The following IGSF11 variants were observed in gnomAD, a reference collection of about 807,000 sequenced individuals.
IGSF11 encodes the protein immunoglobulin superfamily member 11, also known as CXADR like 1.
IGSF11 carries 22 observed loss-of-function variants against 41.0 expected under a neutral mutation model. That is an observed-to-expected ratio of 0.54 (90% CI 0.38 to 0.77). The LOEUF (loss-of-function observed/expected upper bound fraction) is 0.77. Ranked by LOEUF, IGSF11 falls within the 30% of genes least tolerant of loss-of-function variation. IGSF11 has a pLI of 0.00. For missense variants in IGSF11, 444 were observed against 530.8 expected, an observed-to-expected ratio of 0.84 and a Z score of 1.61; for synonymous variants, 219 against 201.3, an observed-to-expected ratio of 1.09 and a Z score of -0.74.
intron 1 of IGSF11, among the ~76,000 whole-genome samples, chr3:119,019,610 GAGA>G (rs1262424628): frequency 6.6e-6 from 1 of 152,022 alleles, no homozygotes; most frequent in African/African-American, 2.4e-5. Flanking sequence ...CCCCCAGCCA[GAGA>G]AGGAAAGAGT....
chr3:119,046,547 G>A (rs1941362016), intron 1 of IGSF11, among the ~76,000 whole-genome samples: 3 of 151,602 alleles, frequency 2.0e-5, no homozygotes, highest in South Asian at 4.2e-4. Flanking sequence ...TGGGGAGAAT[G>A]GAACCAAGTT....
intron 1 of IGSF11, among the ~76,000 whole-genome samples, chr3:118,946,277 T>A (rs1242715855): frequency 3.3e-5 from 5 of 151,178 alleles, no homozygotes; most frequent in Admixed American, 1.3e-4. Flanking sequence ...AATGTTTTTT[T>A]AAAAAAATCA....
At chr3:119,080,180 A>T (rs991116770) in intron 1 of IGSF11, among the ~76,000 whole-genome samples, 1 of 152,146 alleles carries the variant, frequency 6.6e-6, no homozygotes, top group African/African-American at 2.4e-5. Context: ...GACTCTCTAA[A>T]CTGCTTAGCT....
chr3:119,130,520 A>C (rs2077467534), intron 1 of IGSF11, among the ~76,000 whole-genome samples: 1 of 152,198 alleles, frequency 6.6e-6, no homozygotes, highest in Admixed American at 6.5e-5. Flanking sequence ...CATCCACATT[A>C]CTGAGGCTTG....
intron 1 of IGSF11, among the ~76,000 whole-genome samples, chr3:119,059,826 T>G (rs1223282405): frequency 6.6e-6 from 1 of 152,188 alleles, no homozygotes; most frequent in Admixed American, 6.5e-5. Context: ...AACATAAGTT[T>G]CAGCCAACTG....
chr3:118,904,920 T>TA (rs1939389187), intron 5 of IGSF11, 122 bp from the exon 6 acceptor site: 3 of 779,988 alleles, frequency 3.8e-6, no homozygotes, highest in African/African-American at 1.8e-5. Flanking sequence ...TAAAACTCTC[T>TA]AAAATCTTTC....
chr3:118,922,351 G>A (rs1027433330), intron 4 of IGSF11, among the ~76,000 whole-genome samples: 1 of 151,968 alleles, frequency 6.6e-6, no homozygotes, highest in African/African-American at 2.4e-5. Flanking sequence ...CATATATACT[G>A]TGAAAAGATT....
chr3:119,018,081 A>C (rs937741919), intron 1 of IGSF11, among the ~76,000 whole-genome samples: 3 of 152,198 alleles, frequency 2.0e-5, no homozygotes, highest in Non-Finnish European at 4.4e-5. Flanking sequence ...TCTCTAAAAC[A>C]GGATTTTTAA....
intron 1 of IGSF11, among the ~76,000 whole-genome samples, chr3:119,134,917 C>T (rs2077538903): frequency 6.6e-6 from 1 of 152,170 alleles, no homozygotes; most frequent in African/African-American, 2.4e-5. Flanking sequence ...CACACATCTA[C>T]AACCATCTGA....
intron 1 of IGSF11, among the ~76,000 whole-genome samples, chr3:119,020,020 G>A (rs995788958): frequency 1.3e-5 from 2 of 152,138 alleles, no homozygotes; most frequent in Admixed American, 6.5e-5. Flanking sequence ...CACCATGTGA[G>A]GACACCACAA....
intron 1 of IGSF11, chr3:119,012,766 G>A (rs1938277732): frequency 6.6e-6 from 1 of 152,068 alleles, no homozygotes. Context: ...CACTTATGAG[G>A]AATCTCACAT....
Position 119,088,379 on chromosome 3 carries a change from A to G in IGSF11, c.49+16765T>C, listed in dbSNP as rs147663671. Among the ~76,000 whole-genome samples, 22 of 152,324 alleles carry G rather than the reference A, an allele frequency of 1.4e-4. No individual in the cohort carries two copies. The East Asian group carries it at 3.7e-3, about 25-fold the overall frequency. On this transcript the variant is annotated intron_variant, in intron 1 of 6. Coordinates refer to the IGSF11 transcript ENST00000354673. ...ATTTTTAAATTCCTTGAAATTAATG[A>G]TAATAGACACACAGCTTATCAAAAT...
intron 1 of IGSF11, among the ~76,000 whole-genome samples, chr3:119,072,491 T>C (rs2076415864): frequency 6.6e-6 from 1 of 152,156 alleles, no homozygotes; most frequent in Non-Finnish European, 1.5e-5. Context: ...AGTGTTACAG[T>C]TCTTAAAGAT....
intron 1 of IGSF11, among the ~76,000 whole-genome samples, chr3:118,998,481 A>AGGG (rs1936488341): frequency 1.3e-5 from 2 of 151,328 alleles, no homozygotes; most frequent in African/African-American, 4.9e-5. Flanking sequence ...TTGGGGGGGA[A>AGGG]AAAAAAGAAA....
intron 1 of IGSF11, among the ~76,000 whole-genome samples, chr3:118,930,873 C>A (rs1942790861): frequency 1.3e-5 from 2 of 152,034 alleles, no homozygotes; most frequent in Admixed American, 6.6e-5. Flanking sequence ...CAAATGTTGA[C>A]AAATTCTAAA....
intron 1 of IGSF11, among the ~76,000 whole-genome samples, chr3:119,032,334 A>C (rs1940483446): frequency 6.6e-6 from 1 of 152,198 alleles, no homozygotes; most frequent in South Asian, 2.1e-4. Flanking sequence ...TTTGCCCTTG[A>C]CTAGTTCAAG....
intron 1 of IGSF11, among the ~76,000 whole-genome samples, chr3:119,110,443 G>A (rs1314709879): frequency 1.3e-5 from 2 of 151,994 alleles, no homozygotes; most frequent in Non-Finnish European, 2.9e-5. Flanking sequence ...CATTTGCTTG[G>A]TAGATCTTCC....
chr3:119,087,130 A>T (rs1220947151), intron 1 of IGSF11, among the ~76,000 whole-genome samples: 2 of 152,202 alleles, frequency 1.3e-5, no homozygotes, highest in African/African-American at 4.8e-5. Flanking sequence ...CAGACTTTAA[A>T]GCAATAAAAA....
intron 1 of IGSF11, among the ~76,000 whole-genome samples, chr3:119,117,522 C>T (rs1415881244): frequency 1.3e-5 from 2 of 152,178 alleles, no homozygotes; most frequent in Non-Finnish European, 2.9e-5. Flanking sequence ...ATTCAATTAT[C>T]TCCTACCAGG....
Sources: gnomAD v4.1 joint callset for allele counts (sites outside exome capture counted in the v4.1 genomes callset) on GRCh38, gnomAD v4.1.1 for gene constraint, MANE v1.5 for transcripts, NCBI Gene and HGNC (gene_info 2026-07-23, HGNC 2026-07-21) for gene names.